Variants in ID4 observed in about 807,000 individuals in gnomAD.
ID4 encodes the protein inhibitor of DNA binding 4.
Under a neutral mutation model 8.6 loss-of-function variants are expected in ID4, and 9 were observed. The observed-to-expected ratio is 1.04, with a 90% CI of 0.63 to 1.82. The LOEUF (loss-of-function observed/expected upper bound fraction) is 1.82. Among genes scored for constraint, ID4 ranks in the 40% most tolerant of loss-of-function variants. The probability of loss-of-function intolerance (pLI) is 0.00; values close to 1 mark genes in which losing one functional copy is unlikely to be tolerated. For synonymous variants in ID4, 180 were observed against 118.0 expected (o/e 1.53, Z -3.41); for missense variants, 270 against 235.1 (o/e 1.15, Z -0.97).
In ID4 at chr6:19,839,592, C is replaced by CT. The variant is rs1277631262; in HGVS notation, c.*398dup. 6.6e-6 allele frequency: 1 copy of CT among 151,642 alleles called. No homozygotes were observed. The highest frequency in any genetic ancestry group is 2.4e-5 in the African/African-American group (1 of 41,100). The allele number at this position is 151,642 out of a possible 1,614,324, so 9.4% of individuals were successfully genotyped here. A position where few individuals can be genotyped will look rare whatever the true frequency, so the allele number is the denominator to read the frequency against. Reference sequence around the variant, plus strand: ...GCTCAATTTTTGTTTTGAAGCTTTACTAATCTACCAGAGCATTGTAGATAT... The same window carrying CT: ...GCTCAATTTTTGTTTTGAAGCTTTACTTAATCTACCAGAGCATTGTAGATAT... On this transcript the variant is annotated 3_prime_UTR_variant, in exon 3 of 3. Coordinates refer to ENST00000378700, the MANE Select transcript of ID4 (RefSeq NM_001546.4).
chr6:19,838,582 AG>A lies in ID4; in HGVS notation c.442del, dbSNP rs1257672954. 4 of 1,613,886 alleles carry A rather than the reference AG, an allele frequency of 2.5e-6. No individual in the cohort carries two copies. In the Middle Eastern group the frequency reaches 4.9e-4, roughly 200 times the overall value. ...TCCCTTGGTGTTCGGTTGCTGTTCC[AG>A]GCCGGCGCGGTGAACAAGCAGGGCG... On this transcript the variant is annotated splice_acceptor_variant, in intron 1 of 2. Coordinates refer to ENST00000378700, the MANE Select transcript of ID4 (RefSeq NM_001546.4). LOFTEE classifies it high-confidence loss of function.
At chr6:19,838,334 G>T in intron 1 of ID4, 139 bp downstream of exon 1, 1 of 1,018,310 alleles carries the variant, frequency 9.8e-7, no homozygotes, top group Non-Finnish European at 1.3e-6. Flanking sequence ...GCTCCTCCGG[G>T]CTCCCCCGGG....
rs1398312536 is a variant in ID4, at chr6:19,839,603, G to C, written c.*408G>C. The C allele has an allele frequency of 6.8e-6, 1 of 147,946 alleles. No individual in the cohort carries two copies. The highest frequency in any genetic ancestry group is 1.5e-5 in the Non-Finnish European group (1 of 67,024). 9.2% of individuals were successfully genotyped at this position (147,946 alleles called of 1,614,324 possible). A position where few individuals can be genotyped will look rare whatever the true frequency, so the allele number is the denominator to read the frequency against. On this transcript the variant is annotated 3_prime_UTR_variant, in exon 3 of 3. Coordinates refer to ENST00000378700, the MANE Select transcript of ID4 (RefSeq NM_001546.4). ...GTTTTGAAGCTTTACTAATCTACCA[G>C]AGCATTGTAGATATTTTTTTTTTAC...
rs979236850 is a variant in ID4, at chr6:19,840,283, GAAA to G, written c.*1094_*1096del. On this transcript the variant is annotated 3_prime_UTR_variant, in exon 3 of 3. Coordinates refer to ENST00000378700, the MANE Select transcript of ID4 (RefSeq NM_001546.4). ...ACGAAATCTGCTGTTTTATCAAAGT[GAAA>G]AAAAATTGCTTATTACTCTTCATTT... 2 of 152,014 alleles carry G rather than the reference GAAA, an allele frequency of 1.3e-5. No individual in the cohort carries two copies. The highest frequency in any genetic ancestry group is 1.9e-4 in the East Asian group (1 of 5,192). 9.4% of individuals were successfully genotyped at this position (152,014 alleles called of 1,614,324 possible). A position where few individuals can be genotyped will look rare whatever the true frequency, so the allele number is the denominator to read the frequency against.
At chr6:19,838,557 T>G in intron 1 of ID4, 27 bp from the exon 2 acceptor site, 1 of 1,613,952 alleles carries the variant, frequency 6.2e-7, no homozygotes, top group African/African-American at 1.3e-5. Context: ...TGCTAACCTT[T>G]CCCTTGGTGT....
At chr6:19,839,182 ACC>A (rs1430866302) in intron 2 of ID4, 26 bp from the exon 3 acceptor site, 25 of 154,694 alleles carry the variant, frequency 1.6e-4, no homozygotes, top group Admixed American at 1.6e-3. Flanking sequence ...AGGTTCACAC[ACC>A]CCCTCTATTC....
chr6:19,838,174 C>A lies in ID4; in HGVS notation c.420C>A (p.Leu140=). Residue 140 remains leucine, a synonymous_variant, in exon 1 of 3, where the codon CTC becomes CTA. Transcript: ENST00000378700. The part of the protein sequence containing the change: ...TCPAAPPRTP[L]TALNTDPAGA... Reference sequence around the variant, plus strand: ...CAGCCGCGCCGCCGCGGACCCCGCTCACTGCGCTCAACACCGACCCGGTGA... The same window carrying A: ...CAGCCGCGCCGCCGCGGACCCCGCTAACTGCGCTCAACACCGACCCGGTGA... 6.7e-7 allele frequency: 1 copy of A among 1,491,058 alleles called. No individual in the cohort carries two copies. Among genetic ancestry groups the A allele is most frequent in the Admixed American group, 2.2e-5 (1 of 44,830 alleles). The allele number at this position is 1,491,058 out of a possible 1,614,324, so 92.4% of individuals were successfully genotyped here. A position where few individuals can be genotyped will look rare whatever the true frequency, so the allele number is the denominator to read the frequency against.
chr6:19,839,772 T>C lies in ID4; in HGVS notation c.*577T>C, dbSNP rs973299100. ...TCTATAAGTGTGAGAAAGTATATGC[T>C]TTAATAGATACTGTAATTATAAGAT... On this transcript the variant is annotated 3_prime_UTR_variant, in exon 3 of 3. Transcript: ENST00000378700. The C allele has an allele frequency of 6.6e-6, 1 of 152,546 alleles. No homozygotes were observed. The highest frequency in any genetic ancestry group is 2.4e-5 in the African/African-American group (1 of 41,450). The allele number at this position is 152,546 out of a possible 1,614,324, so 9.4% of individuals were successfully genotyped here. A position where few individuals can be genotyped will look rare whatever the true frequency, so the allele number is the denominator to read the frequency against.
Position 19,838,571 on chromosome 6 carries a change from G to C in ID4, c.442-13G>C, listed in dbSNP as rs771718122. On this transcript the variant is annotated splice_polypyrimidine_tract_variant and intron_variant, in intron 1 of 2. Transcript: ENST00000378700. The stretch of plus-strand genomic sequence containing the variant: ...CTGCTAACCTTTCCCTTGGTGTTCG[G>C]TTGCTGTTCCAGGCCGGCGCGGTGA... 6.2e-7 allele frequency: 1 copy of C among 1,613,998 alleles called. No homozygotes were observed. Among genetic ancestry groups the C allele is most frequent in the Non-Finnish European group, 8.5e-7 (1 of 1,179,892 alleles).
Position 19,838,559 on chromosome 6 carries a change from C to T in ID4, c.442-25C>T, listed in dbSNP as rs12111508. 8.2e-5 allele frequency: 132 copies of T among 1,613,974 alleles called. No homozygotes were observed. The African/African-American group carries it at 1.0e-3, about 12-fold the overall frequency. On this transcript the variant is annotated intron_variant, in intron 1 of 2. Coordinates refer to ENST00000378700, the MANE Select transcript of ID4 (RefSeq NM_001546.4). ...CGTTGTTTGCGCCTGCTAACCTTTCCCTTGGTGTTCGGTTGCTGTTCCAGG... is the reference window on the plus strand; with the variant it reads ...CGTTGTTTGCGCCTGCTAACCTTTCTCTTGGTGTTCGGTTGCTGTTCCAGG...
At position 19,840,057 on chromosome 6, in the gene ID4, G is replaced by C. The variant is rs564849112; in HGVS notation, c.*862G>C. 2.6e-5 allele frequency: 4 copies of C among 152,586 alleles called. No homozygotes were observed. In the East Asian group the frequency reaches 7.7e-4, roughly 29 times the overall value. 9.5% of individuals were successfully genotyped at this position (152,586 alleles called of 1,614,324 possible). ...AAACTTGTTCTGAGTCCATTCAAATGTGTTTTTTTAAATGTAGATTGAAAT... is the reference window on the plus strand; with the variant it reads ...AAACTTGTTCTGAGTCCATTCAAATCTGTTTTTTTAAATGTAGATTGAAAT... On this transcript the variant is annotated 3_prime_UTR_variant, in exon 3 of 3. Coordinates refer to ENST00000378700, the MANE Select transcript of ID4 (RefSeq NM_001546.4).
Position 19,841,627 on chromosome 6 carries a change from C to A in ID4, c.*2432C>A, listed in dbSNP as rs982012884. 3.3e-5 allele frequency among the ~76,000 whole-genome samples: 5 copies of A among 152,158 alleles called. No homozygotes were observed. The highest frequency in any genetic ancestry group is 9.7e-5 in the African/African-American group (4 of 41,442). On this transcript the variant is annotated 3_prime_UTR_variant, in exon 3 of 3. Coordinates refer to ENST00000378700, the MANE Select transcript of ID4 (RefSeq NM_001546.4). Reference sequence around the variant, plus strand: ...TGAAAGAAGAAAAGTGCTACAGATACTACATTTCAAAGAGTTGGCATTTTC... The same window carrying A: ...TGAAAGAAGAAAAGTGCTACAGATAATACATTTCAAAGAGTTGGCATTTTC...
rs889491942 is a variant in ID4, at chr6:19,841,057, A to G, written c.*1862A>G. The stretch of plus-strand genomic sequence containing the variant: ...TGAAATACCATGGTCCCTAGTAGTC[A>G]GTTGAAGTGGCAATGTCTAAACAGA... On this transcript the variant is annotated 3_prime_UTR_variant, in exon 3 of 3. Transcript: ENST00000378700. 2.0e-5 allele frequency among the ~76,000 whole-genome samples: 3 copies of G among 152,222 alleles called. No homozygotes were observed. The highest frequency in any genetic ancestry group is 1.3e-4 in the Admixed American group (2 of 15,288).
chr6:19,837,716 C>T lies in ID4; in HGVS notation c.-39C>T. On this transcript the variant is annotated 5_prime_UTR_variant, in exon 1 of 3. Transcript: ENST00000378700. ...GAGCTTGCCTGCCTCCCTCGCTCGC[C>T]CCAGCGGGTTCGCTCGCGTAGAGCG... 5 of 1,098,372 alleles carry T rather than the reference C, an allele frequency of 4.6e-6. No homozygotes were observed. Among genetic ancestry groups the T allele is most frequent in the Non-Finnish European group, 5.5e-6 (5 of 901,776 alleles). 68.0% of individuals were successfully genotyped at this position (1,098,372 alleles called of 1,614,324 possible). A position where few individuals can be genotyped will look rare whatever the true frequency, so the allele number is the denominator to read the frequency against.
chr6:19,838,519 G>A (rs752905860), intron 1 of ID4, 65 bp from the exon 2 acceptor site: 64 of 1,603,184 alleles, frequency 4.0e-5, no homozygotes, highest in Non-Finnish European at 5.4e-5. Context: ...GGACAATCCA[G>A]GACCGTGTCG....
chr6:19,842,160 A>G lies in ID4; in HGVS notation c.*2965A>G, dbSNP rs1025456511. Among the ~76,000 whole-genome samples, 1 of 152,242 alleles carries G rather than the reference A, an allele frequency of 6.6e-6. No individual in the cohort carries two copies. The highest frequency in any genetic ancestry group is 2.4e-5 in the African/African-American group (1 of 41,468). On this transcript the variant is annotated 3_prime_UTR_variant, in exon 3 of 3. Transcript: ENST00000378700. ...TTCGAGCCCACAAATCTATTGTATT[A>G]GTTGCCTTCTATAACAATAAATCTT...
rs1430006627 is a variant in ID4 at position 19,840,598 on chromosome 6, T to C, written c.*1403T>C. On this transcript the variant is annotated 3_prime_UTR_variant, in exon 3 of 3. Transcript: ENST00000378700. ...TTTTTTATAAAAATGATTTTCACTA[T>C]AGCTATGTTACGCTAAGCTACTGTC... 6.6e-6 allele frequency: 1 copy of C among 152,462 alleles called. No homozygotes were observed. The highest frequency in any genetic ancestry group is 2.4e-5 in the African/African-American group (1 of 41,314). 9.4% of individuals were successfully genotyped at this position (152,462 alleles called of 1,614,324 possible).
intron 2 of ID4, chr6:19,838,911 T>G (rs1761294627): frequency 2.0e-6 from 1 of 509,562 alleles, no homozygotes; most frequent in Non-Finnish European, 3.5e-6. Flanking sequence ...CTCTTCTGCC[T>G]TCCCTAGTTC....
chr6:19,837,906 AGGCGGCCGAGGC>A lies in ID4; in HGVS notation c.162_173del (p.Glu54_Ala57del), dbSNP rs1561853038. ...GCGGCGGCGGCGGCAGCGCGCTGTA[AGGCGGCCGAGGC>A]GGCGGCCGACGAGCCGGCGCTGTGC... On this transcript the variant is annotated inframe_deletion, in exon 1 of 3. Coordinates refer to ENST00000378700, the MANE Select transcript of ID4 (RefSeq NM_001546.4). 20 of 1,409,444 alleles carry A rather than the reference AGGCGGCCGAGGC, an allele frequency of 1.4e-5. No individual in the cohort carries two copies. The highest frequency in any genetic ancestry group is 2.6e-5 in the Admixed American group (1 of 38,914). 87.3% of individuals were successfully genotyped at this position (1,409,444 alleles called of 1,614,324 possible).
Sources: allele counts gnomAD v4.1 joint callset (sites outside exome capture counted in the v4.1 genomes callset), GRCh38; gene constraint gnomAD v4.1.1; transcripts MANE v1.5; gene names NCBI Gene and HGNC (gene_info 2026-07-23, HGNC 2026-07-21).